The following YAP1 variants were observed in gnomAD, a reference collection of about 807,000 sequenced individuals.
YAP1 encodes Yes1 associated transcriptional regulator.
Under a neutral mutation model 56.9 loss-of-function variants are expected in YAP1, and 5 were observed. That is an observed-to-expected ratio of 0.09 (90% confidence interval 0.05 to 0.18). The LOEUF is 0.18. Among genes scored for constraint, YAP1 ranks in the 10% least tolerant of loss-of-function variants. The pLI, the probability that YAP1 is intolerant of heterozygous loss-of-function variation, is 1.00. For synonymous variants in YAP1, 265 were observed against 248.1 expected, an observed-to-expected ratio of 1.07 and a Z score of -0.64; for missense variants, 539 against 651.8, an observed-to-expected ratio of 0.83 and a Z score of 1.88.
chr11:102,166,194 T>C (rs563701617), intron 3 of YAP1, among the ~76,000 whole-genome samples: 1 of 152,340 alleles, frequency 6.6e-6, no homozygotes, highest in South Asian at 2.1e-4. Flanking sequence ...CAGACAAGTT[T>C]ATATCTGGAT....
intron 4 of YAP1, among the ~76,000 whole-genome samples, chr11:102,192,278 C>T (rs1246253487): frequency 2.0e-5 from 3 of 152,156 alleles, no homozygotes; most frequent in African/African-American, 7.2e-5. Context: ...GTTCTCTGTT[C>T]TTTATCAATT....
intron 2 of YAP1, among the ~76,000 whole-genome samples, chr11:102,155,363 T>C (rs937335684): frequency 1.3e-5 from 2 of 152,224 alleles, no homozygotes; most frequent in Non-Finnish European, 2.9e-5. Flanking sequence ...ATACATTACG[T>C]ATAGAATATG....
chr11:102,138,331 C>G (rs1944802478), intron 2 of YAP1, among the ~76,000 whole-genome samples: 1 of 152,216 alleles, frequency 6.6e-6, no homozygotes, highest in Admixed American at 6.5e-5. Flanking sequence ...TGAAGTCACT[C>G]ATGCATCTGT....
intron 2 of YAP1, among the ~76,000 whole-genome samples, chr11:102,140,956 T>G (rs1944987109): frequency 6.6e-6 from 1 of 152,238 alleles, no homozygotes; most frequent in Non-Finnish European, 1.5e-5. Flanking sequence ...TTTCTAGTTC[T>G]GTTACATAAA....
intron 2 of YAP1, among the ~76,000 whole-genome samples, chr11:102,139,872 C>CTT (rs919248168): frequency 1.3e-5 from 2 of 150,752 alleles, no homozygotes; most frequent in East Asian, 3.9e-4. Context: ...GTTTTGTGAG[C>CTT]TTTTTTTTTA....
At chr11:102,160,948 A>G (rs1046188176) in intron 2 of YAP1, among the ~76,000 whole-genome samples, 38 of 148,280 alleles carry the variant, frequency 2.6e-4, no homozygotes, top group Non-Finnish European at 7.4e-5. Flanking sequence ...TTAGCTTTTT[A>G]TTTCCTGTGC....
chr11:102,142,753 A>AT (rs1363140426), intron 2 of YAP1, among the ~76,000 whole-genome samples: 4 of 151,918 alleles, frequency 2.6e-5, no homozygotes, highest in Admixed American at 6.6e-5. Context: ...AAAACTTAGA[A>AT]TTTTTTTTTA....
At chr11:102,112,286 A>G (rs886560789) in intron 1 of YAP1, among the ~76,000 whole-genome samples, 3 of 152,142 alleles carry the variant, frequency 2.0e-5, no homozygotes, top group African/African-American at 7.2e-5. Context: ...TATTCCACAT[A>G]CACAATGTTC....
rs373438850 is a variant in YAP1, at chr11:102,197,734, T to C, written c.803-8159T>C. ...CTGACATTTTGTGGGGTTTTTGTTT[T>C]GTTTTTACCTTTTGGAAATTTTATT... On this transcript the variant is annotated intron_variant, in intron 4 of 8. Coordinates refer to ENST00000282441, the MANE Select transcript of YAP1 (RefSeq NM_001130145.3). 3.9e-5 allele frequency among the ~76,000 whole-genome samples: 6 copies of C among 152,330 alleles called. No homozygotes were observed. In the East Asian group the frequency reaches 1.2e-3, roughly 29 times the overall value.
chr11:102,223,253 C>CAAAAAAAAA (rs1013718662), intron 6 of YAP1, among the ~76,000 whole-genome samples: 1 of 52,420 alleles, frequency 1.9e-5, no homozygotes. Flanking sequence ...TCTTGAAGAA[C>CAAAAAAAAA]AAAAAAAAAA....
intron 6 of YAP1, among the ~76,000 whole-genome samples, chr11:102,218,284 A>G (rs1026910014): frequency 4.6e-5 from 7 of 152,222 alleles, no homozygotes; most frequent in Admixed American, 3.9e-4. Context: ...AGTCCCTTAT[A>G]TAAAATGGCA....
chr11:102,173,227 A>T (rs1947022856), intron 3 of YAP1, among the ~76,000 whole-genome samples: 1 of 152,124 alleles, frequency 6.6e-6, no homozygotes, highest in Non-Finnish European at 1.5e-5. Context: ...TAAGCCCTGG[A>T]ACCTCTAATA....
chr11:102,110,707 C>A lies in YAP1; in HGVS notation c.-142C>A. 4.4e-6 allele frequency: 3 copies of A among 676,362 alleles called. No homozygotes were observed. The highest frequency in any genetic ancestry group is 5.9e-6 in the Non-Finnish European group (3 of 505,502). 41.9% of individuals were successfully genotyped at this position (676,362 alleles called of 1,614,324 possible). ...CGGGGGATGCGGGGCCGCGGCGCAG[C>A]CCCCCGGCCCTGAGAGCGAGGACAG... is the stretch of plus-strand genomic sequence containing the variant. On this transcript the variant is annotated 5_prime_UTR_variant, in exon 1 of 9. Transcript: ENST00000282441.
chr11:102,197,469 C>G (rs181640129), intron 4 of YAP1, among the ~76,000 whole-genome samples: 1 of 151,970 alleles, frequency 6.6e-6, no homozygotes, highest in Non-Finnish European at 1.5e-5. Flanking sequence ...TAAAAATTGT[C>G]TGAAGTTTGG....
chr11:102,212,069 A>C (rs544523636), intron 6 of YAP1, among the ~76,000 whole-genome samples: 10 of 152,334 alleles, frequency 6.6e-5, no homozygotes, highest in African/African-American at 2.4e-4. Context: ...AGAAAGCTAG[A>C]AAGGACTTTT....
At chr11:102,113,400 T>G (rs1160121286) in intron 1 of YAP1, among the ~76,000 whole-genome samples, 1 of 152,212 alleles carries the variant, frequency 6.6e-6, no homozygotes, top group African/African-American at 2.4e-5. Context: ...CTAGCCAACT[T>G]AGACTGGAAC....
At chr11:102,202,050 T>A (rs1031292424) in intron 4 of YAP1, among the ~76,000 whole-genome samples, 3 of 152,202 alleles carry the variant, frequency 2.0e-5, no homozygotes, top group Non-Finnish European at 2.9e-5. Context: ...CTTTGAACAT[T>A]GATCAGAATA....
Position 102,159,015 on chromosome 11 carries a change from T to C in YAP1, c.573-3441T>C, listed in dbSNP as rs189246243. ...GACTATCTTATGGCTTAAGTAAAAA[T>C]TGATTGTATGGAAAGGTTTTTAGCA... On this transcript the variant is annotated intron_variant, in intron 2 of 8. Coordinates refer to ENST00000282441, the MANE Select transcript of YAP1 (RefSeq NM_001130145.3). Among the ~76,000 whole-genome samples the C allele has an allele frequency of 1.0e-3, 158 of 152,348 alleles. 1 individual carries two copies. The highest frequency in any genetic ancestry group is 3.4e-3 in the Middle Eastern group (1 of 294).
At chr11:102,215,979 C>G (rs900958586) in intron 6 of YAP1, among the ~76,000 whole-genome samples, 5 of 152,174 alleles carry the variant, frequency 3.3e-5, no homozygotes, top group African/African-American at 1.2e-4. Flanking sequence ...CAAAAAACAA[C>G]AACCTCTGCC....
Sources: gnomAD v4.1 joint callset for allele counts (sites outside exome capture counted in the v4.1 genomes callset) on GRCh38, gnomAD v4.1.1 for gene constraint, MANE v1.5 for transcripts, NCBI Gene and HGNC (gene_info 2026-07-23, HGNC 2026-07-21) for gene names.